SHC3: variants seen among roughly 807,000 people sequenced by gnomAD.
SHC3 encodes the protein SHC-transforming protein 3.
SHC3 carries 15 observed loss-of-function variants against 60.4 expected under a neutral mutation model. The ratio of observed to expected loss-of-function variants is 0.25; its 90% CI spans 0.17 to 0.38. The LOEUF is 0.38. Among genes scored for constraint, SHC3 ranks in the 10% least tolerant of loss-of-function variants. SHC3 has a pLI of 1.00. For missense variants in SHC3, 677 were observed against 786.1 expected, an observed-to-expected ratio of 0.86 and a Z score of 1.66; for synonymous variants, 294 against 325.9, an observed-to-expected ratio of 0.90 and a Z score of 1.05.
chr9:89,170,545 T>G (rs1301279170), intron 1 of SHC3, among the ~76,000 whole-genome samples: 9 of 152,052 alleles, frequency 5.9e-5, no homozygotes, highest in Admixed American at 3.3e-4. Flanking sequence ...TTCGGGAGGC[T>G]GAGGAGGGAG....
intron 6 of SHC3, among the ~76,000 whole-genome samples, chr9:89,056,064 G>A (rs2117942454): frequency 6.6e-6 from 1 of 152,252 alleles, no homozygotes; most frequent in East Asian, 1.9e-4. Flanking sequence ...GTGATCTATT[G>A]TTATTATGAT....
intron 2 of SHC3, among the ~76,000 whole-genome samples, chr9:89,107,670 AAG>A (rs376940586): frequency 1.3e-5 from 2 of 152,342 alleles, no homozygotes; most frequent in African/African-American, 4.8e-5. Flanking sequence ...AAGAGCCTGT[AAG>A]GCTAAAATCC....
At position 89,075,126 on chromosome 9, in the gene SHC3, T is replaced by A; in HGVS notation, c.712A>T (p.Thr238Ser). ...TISTASLNLR[T>S]PDSKQIIANH... is the part of the protein sequence containing the mutation. ...CCATGTACCTGTTTGGAGTCCGGAG[T>A]TCGCAGGTTCAGACTGGCCGTGGAG... The change falls in exon 4 of 12, where the codon ACT becomes TCT. Residue 238 changes from threonine (T) to serine (S), a missense_variant. Thr to Ser is a moderately conservative substitution (Grantham distance 58). Transcript: ENST00000375835. 1 of 1,613,868 alleles carries A rather than the reference T, an allele frequency of 6.2e-7. No individual in the cohort carries two copies.
chr9:89,018,310 T>TA, intron 11 of SHC3, among the ~76,000 whole-genome samples: 1 of 152,020 alleles, frequency 6.6e-6, no homozygotes, highest in African/African-American at 2.4e-5. Flanking sequence ...TATGCAGCCA[T>TA]AAAAAAAAGG....
intron 3 of SHC3, among the ~76,000 whole-genome samples, chr9:89,076,571 T>C (rs1031298823): frequency 6.6e-6 from 1 of 152,168 alleles, no homozygotes; most frequent in African/African-American, 2.4e-5. Flanking sequence ...TCCAGGCTTT[T>C]TTTTTTTCCT....
Position 89,052,144 on chromosome 9 carries a change from G to C in SHC3, c.855C>G (p.Cys285Trp). The change falls in exon 7 of 12, where the codon TGC becomes TGG. Residue 285 changes from cysteine to tryptophan, a missense_variant. Physicochemically the swap from Cys to Trp is radical, Grantham distance 215 (BLOSUM62 -2). Coordinates refer to ENST00000375835, the MANE Select transcript of SHC3 (RefSeq NM_016848.6). ...VNRRACHILECCDGLAQDVIG... is the reference protein window; with the variant it reads ...VNRRACHILEWCDGLAQDVIG... ...TGACATCCTGGGCCAGCCCATCACA[G>C]CATTCCAAAATGTGACAAGCTGGGA... 1 of 1,613,930 alleles carries C rather than the reference G, an allele frequency of 6.2e-7. No homozygotes were observed. The highest frequency in any genetic ancestry group is 8.5e-7 in the Non-Finnish European group (1 of 1,179,840).
chr9:89,022,944 G>T (rs980474208), intron 11 of SHC3, among the ~76,000 whole-genome samples: 1 of 152,192 alleles, frequency 6.6e-6, no homozygotes, highest in African/African-American at 2.4e-5. Flanking sequence ...CTCCCTTGCT[G>T]TGTTGTCTTT....
chr9:89,108,993 A>G, intron 2 of SHC3: 1 of 928,562 alleles, frequency 1.1e-6, no homozygotes. Context: ...TAGAACCTTC[A>G]AAGCATTCCT....
At chr9:89,134,521 G>C (rs1826293469) in intron 1 of SHC3, among the ~76,000 whole-genome samples, 1 of 152,056 alleles carries the variant, frequency 6.6e-6, no homozygotes, top group Admixed American at 6.6e-5. Context: ...CAGTTGAACT[G>C]ATTAAGATTG....
intron 1 of SHC3, among the ~76,000 whole-genome samples, chr9:89,143,266 C>T (rs1345658690): frequency 1.3e-5 from 2 of 152,308 alleles, no homozygotes; most frequent in Non-Finnish European, 2.9e-5. Flanking sequence ...CATTTGTAAA[C>T]TGTCATGGCA....
At chr9:89,103,021 C>A (rs1825805653) in intron 2 of SHC3, among the ~76,000 whole-genome samples, 1 of 152,082 alleles carries the variant, frequency 6.6e-6, no homozygotes, top group African/African-American at 2.4e-5. Context: ...GAATGGACAG[C>A]AGGAATTCAG....
At chr9:89,125,352 GT>G (rs528652104) in intron 1 of SHC3, among the ~76,000 whole-genome samples, 34 of 146,588 alleles carry the variant, frequency 2.3e-4, no homozygotes, top group South Asian at 8.7e-4. Flanking sequence ...TTTAATGTTA[GT>G]TTTTTTTTTT....
At chr9:89,027,472 T>A in intron 11 of SHC3, among the ~76,000 whole-genome samples, 1 of 151,846 alleles carries the variant, frequency 6.6e-6, no homozygotes, top group Non-Finnish European at 1.5e-5. Flanking sequence ...ACCTGCCACC[T>A]CACCCGGCTA....
chr9:89,143,504 G>T (rs1356737440), intron 1 of SHC3, among the ~76,000 whole-genome samples: 1 of 152,090 alleles, frequency 6.6e-6, no homozygotes, highest in Admixed American at 6.6e-5. Flanking sequence ...TATTCAAGAT[G>T]GAGTTGCTCT....
At chr9:89,020,894 T>G (rs1826190424) in intron 11 of SHC3, among the ~76,000 whole-genome samples, 1 of 152,146 alleles carries the variant, frequency 6.6e-6, no homozygotes, top group Non-Finnish European at 1.5e-5. Context: ...TCCTCCAAAG[T>G]GCCCAGTGGT....
intron 1 of SHC3, among the ~76,000 whole-genome samples, chr9:89,123,040 T>C (rs1330986343): frequency 6.6e-6 from 1 of 152,182 alleles, no homozygotes; most frequent in Non-Finnish European, 1.5e-5. Flanking sequence ...GTGATGCCAA[T>C]GCAGCCAATC....
At chr9:89,162,345 C>A (rs1481399258) in intron 1 of SHC3, among the ~76,000 whole-genome samples, 1 of 152,212 alleles carries the variant, frequency 6.6e-6, no homozygotes, top group Non-Finnish European at 1.5e-5. Context: ...TCAAACTATA[C>A]TACAAGGCTA....
rs1409663048 is a variant in SHC3, at chr9:89,010,466, G to A, written c.*2981C>T. 6.6e-6 allele frequency: 1 copy of A among 152,258 alleles called. No homozygotes were observed. The highest frequency in any genetic ancestry group is 2.4e-5 in the African/African-American group (1 of 41,458). 9.4% of individuals were successfully genotyped at this position (152,258 alleles called of 1,614,324 possible). A position where few individuals can be genotyped will look rare whatever the true frequency, so the allele number is the denominator to read the frequency against. ...TGATTCATTCGTGGGGTTAGGGGAGGTGGGTGGGGGTCTCTAGGGCCACTC... is the reference window on the plus strand; with the variant it reads ...TGATTCATTCGTGGGGTTAGGGGAGATGGGTGGGGGTCTCTAGGGCCACTC... On this transcript the variant is annotated 3_prime_UTR_variant, in exon 12 of 12. Transcript: ENST00000375835.
intron 10 of SHC3, among the ~76,000 whole-genome samples, chr9:89,038,659 C>T (rs150855774): frequency 1.3e-5 from 2 of 152,318 alleles, no homozygotes; most frequent in South Asian, 2.1e-4. Context: ...GGAACTTCAG[C>T]CAGCCTCTTT....
Sources: gnomAD v4.1 joint callset for allele counts (sites outside exome capture counted in the v4.1 genomes callset) on GRCh38, gnomAD v4.1.1 for gene constraint, MANE v1.5 for transcripts, NCBI Gene and HGNC (gene_info 2026-07-23, HGNC 2026-07-21) for gene names.